BLNK: variants seen among roughly 807,000 people sequenced by gnomAD.
BLNK encodes B-cell linker protein.
A neutral mutation model predicts 73.5 loss-of-function variants in BLNK; 29 were observed. That is an observed-to-expected ratio of 0.39 (90% CI 0.29 to 0.54). BLNK has a LOEUF of 0.54. Ranked by LOEUF, BLNK falls within the 20% of genes least tolerant of loss-of-function variation. The pLI, the probability that BLNK is intolerant of heterozygous loss-of-function variation, is 0.61. For missense variants in BLNK, 460 were observed against 562.8 expected (o/e 0.82, Z 1.85); for synonymous variants, 176 against 200.8 (o/e 0.88, Z 1.04).
chr10:96,257,295 G>A (rs77500175), intron 1 of BLNK, among the ~76,000 whole-genome samples: 5,183 of 152,260 alleles, frequency 0.034, 258 homozygotes, highest in African/African-American at 0.12. Context: ...TTTCCTCGGG[G>A]TGTGTCATGA....
At chr10:96,201,622 T>C (rs1554896177) in intron 13 of BLNK, among the ~76,000 whole-genome samples, 3 of 152,022 alleles carry the variant, frequency 2.0e-5, no homozygotes, top group Admixed American at 2.0e-4. Context: ...ATTTTAAGAG[T>C]GTTAAAGTGG....
At chr10:96,223,183 G>T (rs587609817) in intron 6 of BLNK, among the ~76,000 whole-genome samples, 1 of 152,080 alleles carries the variant, frequency 6.6e-6, no homozygotes, top group Admixed American at 6.6e-5. Context: ...GTACAACTCC[G>T]GTAAGCACAC....
chr10:96,224,886 TG>T (rs1475591589), intron 5 of BLNK, among the ~76,000 whole-genome samples: 1 of 151,834 alleles, frequency 6.6e-6, no homozygotes, highest in Non-Finnish European at 1.5e-5. Context: ...TTAGTAGAGA[TG>T]GGGTTTTACC....
At chr10:96,224,345 C>T (rs587737717) in intron 5 of BLNK, among the ~76,000 whole-genome samples, 2 of 152,302 alleles carry the variant, frequency 1.3e-5, no homozygotes, top group South Asian at 2.1e-4. Flanking sequence ...TTAAAAATGC[C>T]AAGGCCTAGG....
intron 3 of BLNK, among the ~76,000 whole-genome samples, chr10:96,239,792 G>A (rs587651549): frequency 2.6e-5 from 4 of 152,158 alleles, no homozygotes; most frequent in Admixed American, 6.5e-5. Context: ...TTTTCCCCAC[G>A]CAGAAATAGA....
intron 3 of BLNK, among the ~76,000 whole-genome samples, chr10:96,236,238 C>T (rs1554905083): frequency 6.6e-6 from 1 of 152,144 alleles, no homozygotes; most frequent in African/African-American, 2.4e-5. Flanking sequence ...GGCCGCCAGA[C>T]CCTGCCCATC....
intron 8 of BLNK, among the ~76,000 whole-genome samples, chr10:96,212,302 G>C (rs1284793382): frequency 1.3e-5 from 2 of 152,042 alleles, no homozygotes; most frequent in African/African-American, 4.8e-5. Flanking sequence ...CTGCCAGAAT[G>C]GTCATGGATC....
intron 9 of BLNK, among the ~76,000 whole-genome samples, chr10:96,209,188 T>C (rs914801726): frequency 6.6e-6 from 1 of 151,956 alleles, no homozygotes; most frequent in African/African-American, 2.4e-5. Flanking sequence ...CAGCACATAG[T>C]ATATATCTAC....
intron 3 of BLNK, 128 bp downstream of exon 3, chr10:96,242,607 C>G (rs1291722759): frequency 1.0e-6 from 1 of 964,676 alleles, no homozygotes; most frequent in Non-Finnish European, 1.6e-6. Flanking sequence ...TTTAGTCATT[C>G]TTGAAATTAG....
intron 16 of BLNK, among the ~76,000 whole-genome samples, chr10:96,194,331 G>A (rs1221171740): frequency 1.3e-5 from 2 of 152,162 alleles, no homozygotes; most frequent in East Asian, 3.8e-4. Context: ...AGATTCAAGA[G>A]TTTTGCATTT....
At chr10:96,230,521 G>T (rs1554903722) in intron 4 of BLNK, among the ~76,000 whole-genome samples, 1 of 152,126 alleles carries the variant, frequency 6.6e-6, no homozygotes, top group Non-Finnish European at 1.5e-5. Flanking sequence ...GGATGTGCTG[G>T]TGAGTACTCT....
chr10:96,263,258 T>G (rs1843842697), intron 1 of BLNK, among the ~76,000 whole-genome samples: 1 of 152,166 alleles, frequency 6.6e-6, no homozygotes, highest in Admixed American at 6.5e-5. Context: ...TGCGACTGTA[T>G]GGCCACACGC....
chr10:96,198,752 G>T (rs2083542608), intron 15 of BLNK, among the ~76,000 whole-genome samples: 1 of 152,232 alleles, frequency 6.6e-6, no homozygotes, highest in South Asian at 2.1e-4. Context: ...AGGCTGGAGA[G>T]CAGTGGCATG....
At chr10:96,254,178 C>T (rs1554910221) in intron 1 of BLNK, among the ~76,000 whole-genome samples, 1 of 152,170 alleles carries the variant, frequency 6.6e-6, no homozygotes, top group East Asian at 1.9e-4. Context: ...CCTGGAATAG[C>T]TTTAACAGCA....
rs114830389 is a variant in BLNK at position 96,207,160 on chromosome 10, G to A, written c.775-107C>T. 449 of 988,208 alleles carry A rather than the reference G, an allele frequency of 4.5e-4. 2 individuals carry two copies. The African/African-American group carries it at 6.1e-3, about 13-fold the overall frequency. 61.2% of individuals were successfully genotyped at this position (988,208 alleles called of 1,614,324 possible). A position where few individuals can be genotyped will look rare whatever the true frequency, so the allele number is the denominator to read the frequency against. ...TATTTTGGCAGCACTTTTCTTTGAT[G>A]CATTGCTATTCTTTCAATCACAACA... On this transcript the variant is annotated intron_variant, in intron 10 of 16. Transcript: ENST00000224337.
chr10:96,198,907 C>A (rs1554895341), intron 15 of BLNK, among the ~76,000 whole-genome samples: 1 of 152,188 alleles, frequency 6.6e-6, no homozygotes, highest in Non-Finnish European at 1.5e-5. Flanking sequence ...CCATCTTGGC[C>A]AGGCTGGTCT....
At chr10:96,214,217 T>C (rs781873166) in intron 8 of BLNK, among the ~76,000 whole-genome samples, 2 of 152,118 alleles carry the variant, frequency 1.3e-5, no homozygotes, top group Non-Finnish European at 2.9e-5. Context: ...GAAATGCCTG[T>C]GAGAATGCTG....
At position 96,207,071 on chromosome 10, in the gene BLNK, A is replaced by C. The variant is rs1442596378; in HGVS notation, c.775-18T>G. On this transcript the variant is annotated intron_variant, in intron 10 of 16. Coordinates refer to ENST00000224337, the MANE Select transcript of BLNK (RefSeq NM_013314.4). ...ACTGGAGTCTATGTAAAAGAAAAAA[A>C]GGCAAGGTTATTCAATATAGCAGAA... 8 of 1,610,250 alleles carry C rather than the reference A, an allele frequency of 5.0e-6. No homozygotes were observed. The highest frequency in any genetic ancestry group is 1.7e-6 in the Non-Finnish European group (2 of 1,176,642).
At chr10:96,247,937 A>C (rs1843116659) in intron 1 of BLNK, among the ~76,000 whole-genome samples, 1 of 152,132 alleles carries the variant, frequency 6.6e-6, no homozygotes, top group Non-Finnish European at 1.5e-5. Flanking sequence ...GCCCATTCCT[A>C]CTCTGTGGAG....
Sources: allele counts gnomAD v4.1 joint callset (sites outside exome capture counted in the v4.1 genomes callset), GRCh38; gene constraint gnomAD v4.1.1; transcripts MANE v1.5; gene names NCBI Gene and HGNC (gene_info 2026-07-23, HGNC 2026-07-21).